Variants in PCDH9 observed in about 807,000 individuals in gnomAD.
The protein encoded by PCDH9 is protocadherin 9, also known as protocadherin-9.
A neutral mutation model predicts 70.6 loss-of-function variants in PCDH9; 24 were observed. The observed-to-expected ratio is 0.34, with a 90% confidence interval of 0.25 to 0.48. The LOEUF is 0.48. PCDH9 is among the 20% of genes least tolerant of loss of function. PCDH9 has a pLI of 0.99. For synonymous variants in PCDH9, 562 were observed against 558.5 expected (o/e 1.01, Z -0.09); for missense variants, 1,281 against 1,503.6 (o/e 0.85, Z 2.45).
intron 2 of PCDH9, among the ~76,000 whole-genome samples, chr13:66,959,401 A>G (rs895470457): frequency 6.6e-5 from 10 of 152,320 alleles, no homozygotes; most frequent in African/African-American, 2.4e-4. Context: ...AATTCTGAAA[A>G]TATTTGGCCA....
At chr13:66,370,937 A>G (rs553792102) in intron 4 of PCDH9, among the ~76,000 whole-genome samples, 5 of 152,220 alleles carry the variant, frequency 3.3e-5, no homozygotes, top group African/African-American at 4.8e-5. Context: ...TTATTCAACT[A>G]TATTTTTTAA....
intron 2 of PCDH9, among the ~76,000 whole-genome samples, chr13:66,939,310 C>G (rs951421896): frequency 2.6e-5 from 4 of 152,008 alleles, no homozygotes; most frequent in Non-Finnish European, 5.9e-5. Context: ...GATTAGTTTT[C>G]TGAACTGTGT....
intron 3 of PCDH9, among the ~76,000 whole-genome samples, chr13:66,760,848 C>T (rs1822210): frequency 0.29 from 44,079 of 151,780 alleles, 6,624 homozygotes; most frequent in East Asian, 0.43. Context: ...GAGTGTCTAT[C>T]TTATGCAGTT....
At chr13:67,037,461 TTTTG>T (rs532452957) in intron 2 of PCDH9, among the ~76,000 whole-genome samples, 17 of 152,300 alleles carry the variant, frequency 1.1e-4, no homozygotes, top group African/African-American at 3.9e-4. Flanking sequence ...TTAAAGGATT[TTTTG>T]TTTGTTTGTT....
chr13:66,917,258 C>G lies in PCDH9; in HGVS notation c.3037-13653G>C, dbSNP rs146291170. ...TAAAATGGCCTGCCACGAAACTGGGCCTTTGAGAATATGTTGCTTGTAAAA... is the reference window on the plus strand; with the variant it reads ...TAAAATGGCCTGCCACGAAACTGGGGCTTTGAGAATATGTTGCTTGTAAAA... On this transcript the variant is annotated intron_variant, in intron 2 of 4. Coordinates refer to ENST00000377865, the MANE Select transcript of PCDH9 (RefSeq NM_203487.3). Among the ~76,000 whole-genome samples the G allele has an allele frequency of 2.0e-4, 30 of 151,494 alleles. No homozygotes were observed. In the East Asian group the frequency reaches 5.8e-3, roughly 30 times the overall value.
chr13:66,451,048 C>T (rs986352755), intron 4 of PCDH9, among the ~76,000 whole-genome samples: 8 of 152,238 alleles, frequency 5.3e-5, no homozygotes, highest in South Asian at 2.1e-4. Flanking sequence ...TTAGGAGATA[C>T]ACCTAATGTA....
intron 3 of PCDH9, among the ~76,000 whole-genome samples, chr13:66,707,902 G>A (rs1334783737): frequency 6.6e-6 from 1 of 152,012 alleles, no homozygotes; most frequent in African/African-American, 2.4e-5. Flanking sequence ...TAAGTATTTT[G>A]CTTGTTTATC....
chr13:67,016,435 G>A (rs1184674716), intron 2 of PCDH9, among the ~76,000 whole-genome samples: 1 of 152,110 alleles, frequency 6.6e-6, no homozygotes, highest in East Asian at 1.9e-4. Context: ...AAGAAAAGCA[G>A]GCTATATAAT....
chr13:66,400,081 C>T (rs867112910), intron 4 of PCDH9, among the ~76,000 whole-genome samples: 6 of 152,202 alleles, frequency 3.9e-5, no homozygotes, highest in South Asian at 2.1e-4. Context: ...TCACACTCTG[C>T]AGTAACTCAG....
intron 3 of PCDH9, among the ~76,000 whole-genome samples, chr13:66,685,594 C>T (rs1197173304): frequency 6.6e-6 from 1 of 152,150 alleles, no homozygotes; most frequent in Admixed American, 6.5e-5. Context: ...GTCCTCCAGA[C>T]CCCAGAATGG....
intron 2 of PCDH9, among the ~76,000 whole-genome samples, chr13:67,121,317 A>G (rs1385697717): frequency 1.3e-5 from 2 of 152,190 alleles, no homozygotes; most frequent in African/African-American, 4.8e-5. Flanking sequence ...TTTGCCCCAC[A>G]AGCAAACAGT....
intron 3 of PCDH9, among the ~76,000 whole-genome samples, chr13:66,690,303 C>T (rs901703896): frequency 1.3e-5 from 2 of 151,814 alleles, no homozygotes; most frequent in African/African-American, 4.8e-5. Context: ...ATGATATAGG[C>T]AAATATAGAA....
chr13:66,814,582 A>G (rs1362792409), intron 3 of PCDH9, among the ~76,000 whole-genome samples: 1 of 152,136 alleles, frequency 6.6e-6, no homozygotes, highest in Non-Finnish European at 1.5e-5. Flanking sequence ...CAAAAAACTT[A>G]ACGTTTATCT....
intron 3 of PCDH9, among the ~76,000 whole-genome samples, chr13:66,831,570 A>T (rs2139408208): frequency 6.6e-6 from 1 of 152,320 alleles, no homozygotes; most frequent in South Asian, 2.1e-4. Context: ...GTCATATTAA[A>T]GCCGAGAACA....
At chr13:66,915,941 T>C (rs1875372701) in intron 2 of PCDH9, among the ~76,000 whole-genome samples, 1 of 151,592 alleles carries the variant, frequency 6.6e-6, no homozygotes, top group African/African-American at 2.4e-5. Flanking sequence ...AAGTAAGAAT[T>C]TGTAGCAATT....
intron 3 of PCDH9, among the ~76,000 whole-genome samples, chr13:66,867,314 A>T (rs1179781158): frequency 6.6e-6 from 1 of 152,182 alleles, no homozygotes; most frequent in Non-Finnish European, 1.5e-5. Context: ...TGGATGCAGA[A>T]ACAGGGAACA....
intron 4 of PCDH9, among the ~76,000 whole-genome samples, chr13:66,417,909 T>G (rs1957490414): frequency 6.6e-6 from 1 of 152,156 alleles, no homozygotes. Flanking sequence ...GATATTAGAC[T>G]TTTGTCAGAT....
intron 2 of PCDH9, among the ~76,000 whole-genome samples, chr13:67,143,127 C>G (rs904744109): frequency 6.6e-6 from 1 of 152,262 alleles, no homozygotes; most frequent in African/African-American, 2.4e-5. Flanking sequence ...AATTACACTT[C>G]TTTCTCCTAA....
intron 4 of PCDH9, among the ~76,000 whole-genome samples, chr13:66,629,108 G>A (rs1392755346): frequency 6.6e-6 from 1 of 152,124 alleles, no homozygotes; most frequent in African/African-American, 2.4e-5. Flanking sequence ...TGGCCAAAAA[G>A]TTCATGAAAC....
Sources: gnomAD v4.1 joint callset for allele counts (sites outside exome capture counted in the v4.1 genomes callset) on GRCh38, gnomAD v4.1.1 for gene constraint, MANE v1.5 for transcripts, NCBI Gene and HGNC (gene_info 2026-07-23, HGNC 2026-07-21) for gene names.